Variants in SULT2B1 observed in about 807,000 individuals in gnomAD.
SULT2B1 encodes the protein sulfotransferase 2B1.
Under a neutral mutation model 33.2 loss-of-function variants are expected in SULT2B1, and 16 were observed. The ratio of observed to expected loss-of-function variants is 0.48; its 90% CI spans 0.33 to 0.73. The LOEUF (loss-of-function observed/expected upper bound fraction) is 0.73, where lower values mean the gene tolerates loss of function less well. SULT2B1 is among the 30% of genes least tolerant of loss of function. The pLI, the probability that SULT2B1 is intolerant of heterozygous loss-of-function variation, is 0.02. For missense variants in SULT2B1, 500 were observed against 506.0 expected (o/e 0.99, Z 0.11); for synonymous variants, 186 against 200.5 (o/e 0.93, Z 0.61).
chr19:48,599,191 C>A lies in SULT2B1; in HGVS notation c.883C>A (p.Arg295Ser). The A allele has an allele frequency of 6.2e-7, 1 of 1,603,450 alleles. No individual in the cohort carries two copies. Among genetic ancestry groups the A allele is most frequent in the Admixed American group, 1.7e-5 (1 of 59,186 alleles). ...FTVAQSEAFD[R>S]AYRKQMRGMP... ...GGTGGCCCAGAGCGAAGCCTTCGAT[C>A]GTGCCTACCGCAAGCAGATGCGGGG... The change falls in exon 7 of 7, where the codon CGT becomes AGT. Residue 295 changes from arginine to serine, a missense_variant. Physicochemically the swap from Arg to Ser is moderately radical, Grantham distance 110. Transcript: ENST00000201586. This position sits in a 1 kb window ranked among gnomAD's most constrained non-coding sequence, Gnocchi z 4.1.
chr19:48,576,024 C>A lies in SULT2B1; in HGVS notation c.155C>A (p.Ala52Glu). The A allele has an allele frequency of 1.9e-6, 3 of 1,613,898 alleles. No homozygotes were observed. The highest frequency in any genetic ancestry group is 2.5e-6 in the Non-Finnish European group (3 of 1,179,936). The part of the protein sequence containing the change: ...GLYSLESISL[A>E]ENTQDVRDDD... ...TACTCGCTCGAGAGCATCAGCTTGG[C>A]GGAGAACACCCAAGATGTGCGGGAC... The change falls in exon 2 of 7, where the codon GCG (alanine) becomes GAG (glutamate). Residue 52 changes from alanine (A) to glutamate (E), a missense_variant. Coordinates refer to ENST00000201586, the MANE Select transcript of SULT2B1 (RefSeq NM_177973.2).
At chr19:48,553,032 G>A (rs545764699) in intron 1 of SULT2B1, among the ~76,000 whole-genome samples, 71 of 152,284 alleles carry the variant, frequency 4.7e-4, no homozygotes, top group African/African-American at 1.4e-3. Flanking sequence ...TCACGCCAGA[G>A]CCTGTGGTTT....
chr19:48,582,029 C>T (rs995641145), intron 2 of SULT2B1, among the ~76,000 whole-genome samples: 4 of 151,764 alleles, frequency 2.6e-5, no homozygotes, highest in Non-Finnish European at 5.9e-5. Flanking sequence ...CTCAACCTCC[C>T]GAGTAGCTGG....
chr19:48,575,477 TATA>T (rs1973391427), intron 1 of SULT2B1: 1 of 147,570 alleles, frequency 6.8e-6, no homozygotes, highest in Non-Finnish European at 1.5e-5. Context: ...TATATATATA[TATA>T]TTTATATATA....
Position 48,599,367 on chromosome 19 carries a change from C to CG in SULT2B1, c.1061dup (p.Gln355ProfsTer4). 1 of 1,567,076 alleles carries CG rather than the reference C, an allele frequency of 6.4e-7. No homozygotes were observed. The highest frequency in any genetic ancestry group is 8.7e-7 in the Non-Finnish European group (1 of 1,155,868). ...CCAACTCCAGCCCCAGCCCCAGCCC[C>CG]GGCCAGGCCTCTGAGACCCCGCACC... On this transcript the variant is annotated frameshift_variant, in exon 7 of 7. Coordinates refer to ENST00000201586, the MANE Select transcript of SULT2B1 (RefSeq NM_177973.2). LOFTEE classifies it low-confidence loss of function (END_TRUNC). This position sits in a 1 kb window ranked among gnomAD's most constrained non-coding sequence, Gnocchi z 4.1.
chr19:48,581,890 A>ATTATTATTATTAT (rs1387045137), intron 2 of SULT2B1, among the ~76,000 whole-genome samples: 68 of 137,724 alleles, frequency 4.9e-4, no homozygotes, highest in African/African-American at 1.7e-3. Context: ...TATTATTATT[A>ATTATTATTATTAT]TATTATTATT....
chr19:48,592,671 TG>T (rs748694776), intron 4 of SULT2B1, 50 bp from the exon 5 acceptor site: 87 of 1,504,352 alleles, frequency 5.8e-5, no homozygotes, highest in Non-Finnish European at 7.3e-5. Flanking sequence ...CCAGTGGGGC[TG>T]GGGGAACCCC....
intron 6 of SULT2B1, 145 bp from the exon 7 acceptor site, chr19:48,598,990 T>G: frequency 2.9e-6 from 4 of 1,392,090 alleles, no homozygotes; most frequent in East Asian, 5.0e-5. Context: ...AAGGGGGCAA[T>G]GTGGAGGGTA....
intron 3 of SULT2B1, 50 bp downstream of exon 3, chr19:48,587,487 G>C (rs1375527997): frequency 6.3e-7 from 1 of 1,584,580 alleles, no homozygotes; most frequent in Non-Finnish European, 8.7e-7. Context: ...TGGGTGTATG[G>C]GGTAATGGGG....
Position 48,552,960 on chromosome 19 carries a change from T to C in SULT2B1, c.71+637T>C, listed in dbSNP as rs889256241. ...GCTTTCCAGATGGGGAAACTGAGGC[T>C]GGGAGGGAACGCGACATGACCGCAA... On this transcript the variant is annotated intron_variant, in intron 1 of 6. Transcript: ENST00000201586. The surrounding 1 kb of genome is among the most constrained non-coding windows in gnomAD (Gnocchi z 4.8). Among the ~76,000 whole-genome samples, 6 of 152,130 alleles carry C rather than the reference T, an allele frequency of 3.9e-5. 1 individual carries two copies. In the South Asian group the frequency reaches 1.0e-3, roughly 26 times the overall value.
intron 1 of SULT2B1, among the ~76,000 whole-genome samples, chr19:48,569,623 C>T (rs1973294445): frequency 6.6e-6 from 1 of 151,366 alleles, no homozygotes; most frequent in Non-Finnish European, 1.5e-5. Flanking sequence ...CTAGGCCTCC[C>T]AAAGTGTTGG....
intron 2 of SULT2B1, among the ~76,000 whole-genome samples, chr19:48,580,226 T>A (rs1372411097): frequency 1.3e-5 from 2 of 151,566 alleles, no homozygotes; most frequent in Non-Finnish European, 2.9e-5. Context: ...GCCTCTGCAC[T>A]GGGCCCTGCA....
intron 1 of SULT2B1, among the ~76,000 whole-genome samples, chr19:48,562,173 G>A (rs1234076818): frequency 6.6e-6 from 1 of 152,036 alleles, no homozygotes; most frequent in African/African-American, 2.4e-5. Flanking sequence ...GATCACCTGA[G>A]GTTAGGAGTT....
intron 3 of SULT2B1, among the ~76,000 whole-genome samples, chr19:48,588,084 C>T (rs1309167698): frequency 6.6e-6 from 1 of 151,428 alleles, no homozygotes; most frequent in African/African-American, 2.4e-5. Context: ...GTGGTGGGTG[C>T]CTGTAATCCC....
intron 1 of SULT2B1, among the ~76,000 whole-genome samples, chr19:48,559,463 T>A (rs1359247232): frequency 3.3e-5 from 5 of 152,042 alleles, no homozygotes; most frequent in African/African-American, 1.2e-4. Context: ...CTCCGCCTCC[T>A]GGGTTCAAGC....
chr19:48,594,994 C>G (rs1973691666), intron 5 of SULT2B1, among the ~76,000 whole-genome samples: 1 of 150,960 alleles, frequency 6.6e-6, no homozygotes, highest in Non-Finnish European at 1.5e-5. Flanking sequence ...TGCACTCCAG[C>G]CTGGGTGACA....
chr19:48,554,326 C>A (rs886133878), intron 1 of SULT2B1, among the ~76,000 whole-genome samples: 1 of 150,832 alleles, frequency 6.6e-6, no homozygotes, highest in Non-Finnish European at 1.5e-5. Flanking sequence ...CACCTCCTCC[C>A]AGGTTGCCCA....
intron 6 of SULT2B1, 140 bp downstream of exon 6, chr19:48,597,059 G>C: frequency 1.0e-6 from 1 of 1,004,460 alleles, no homozygotes; most frequent in South Asian, 1.7e-5. Context: ...CCCCAGGGTT[G>C]ATCACGCACG....
At chr19:48,582,618 C>A (rs1973507142) in intron 2 of SULT2B1, among the ~76,000 whole-genome samples, 1 of 152,078 alleles carries the variant, frequency 6.6e-6, no homozygotes, top group African/African-American at 2.4e-5. Context: ...GAGGTCGAGG[C>A]AGGCGGATCA....
Sources: allele counts gnomAD v4.1 joint callset (sites outside exome capture counted in the v4.1 genomes callset), GRCh38; gene constraint gnomAD v4.1.1; non-coding constraint Gnocchi (gnomAD v3.1); transcripts MANE v1.5; gene names NCBI Gene and HGNC (gene_info 2026-07-23, HGNC 2026-07-21).